The following MCTP1 variants were observed in gnomAD, a reference collection of about 807,000 sequenced individuals.
The protein encoded by MCTP1 is multiple C2 and transmembrane domain containing 1.
In MCTP1, 69 loss-of-function variants were observed where a neutral mutation model predicts 120.6. The ratio of observed to expected loss-of-function variants is 0.57; its 90% confidence interval spans 0.47 to 0.70. The LOEUF (loss-of-function observed/expected upper bound fraction) is 0.70. Ranked by LOEUF, MCTP1 falls within the 30% of genes least tolerant of loss-of-function variation. MCTP1 has a pLI of 0.00. For synonymous variants in MCTP1, 529 were observed against 493.1 expected (o/e 1.07, Z -0.96); for missense variants, 1,203 against 1,248.8 (o/e 0.96, Z 0.55).
chr5:94,987,803 T>C (rs917709244), intron 2 of MCTP1, among the ~76,000 whole-genome samples: 2 of 152,196 alleles, frequency 1.3e-5, no homozygotes, highest in African/African-American at 4.8e-5. Context: ...GTAAAATGCA[T>C]GATTTGATGA....
At chr5:94,735,835 C>A (rs919811242) in intron 19 of MCTP1, among the ~76,000 whole-genome samples, 1 of 152,076 alleles carries the variant, frequency 6.6e-6, no homozygotes, top group Non-Finnish European at 1.5e-5. Flanking sequence ...TCTAACTCGA[C>A]AGTATGTTCA....
intron 3 of MCTP1, among the ~76,000 whole-genome samples, chr5:94,944,489 A>G (rs1234876715): frequency 6.6e-6 from 1 of 152,200 alleles, no homozygotes; most frequent in Non-Finnish European, 1.5e-5. Flanking sequence ...ATCTAATCAT[A>G]TCATCCTTAG....
intron 19 of MCTP1, among the ~76,000 whole-genome samples, chr5:94,758,123 T>C (rs1770391315): frequency 6.6e-6 from 1 of 152,110 alleles, no homozygotes; most frequent in Non-Finnish European, 1.5e-5. Flanking sequence ...AAAAGAAAAC[T>C]CACTACACTC....
At chr5:94,736,300 G>A (rs148424849) in intron 19 of MCTP1, among the ~76,000 whole-genome samples, 1 of 152,212 alleles carries the variant, frequency 6.6e-6, no homozygotes, top group Non-Finnish European at 1.5e-5. Flanking sequence ...ACCAGCCTGG[G>A]CAACATAGTG....
At chr5:94,742,522 G>A (rs919647107) in intron 19 of MCTP1, among the ~76,000 whole-genome samples, 17 of 152,198 alleles carry the variant, frequency 1.1e-4, no homozygotes, top group Non-Finnish European at 4.4e-5. Flanking sequence ...AAACCCACAA[G>A]TGCTCCCTGG....
intron 19 of MCTP1, among the ~76,000 whole-genome samples, chr5:94,738,859 C>T (rs908941246): frequency 1.4e-4 from 21 of 152,192 alleles, no homozygotes; most frequent in Admixed American, 2.6e-4. Context: ...CTAAATACTT[C>T]GGTTGTGTCC....
chr5:95,160,842 T>A (rs1454924028), intron 1 of MCTP1, among the ~76,000 whole-genome samples: 1 of 152,052 alleles, frequency 6.6e-6, no homozygotes, highest in Non-Finnish European at 1.5e-5. Flanking sequence ...CCAACAGTTA[T>A]ATGAAAAAAA....
intron 4 of MCTP1, among the ~76,000 whole-genome samples, chr5:94,941,347 A>G (rs1267655948): frequency 1.3e-5 from 2 of 152,022 alleles, no homozygotes; most frequent in African/African-American, 4.8e-5. Flanking sequence ...GGCTGGAATG[A>G]AGGACTTACA....
At chr5:95,097,213 A>T (rs1485191494) in intron 1 of MCTP1, among the ~76,000 whole-genome samples, 2 of 152,244 alleles carry the variant, frequency 1.3e-5, no homozygotes, top group African/African-American at 4.8e-5. Flanking sequence ...AAGCCTATAA[A>T]CAAATAAATA....
chr5:95,098,556 C>A (rs1053209990), intron 1 of MCTP1, among the ~76,000 whole-genome samples: 6 of 151,578 alleles, frequency 4.0e-5, no homozygotes, highest in South Asian at 2.1e-4. Context: ...TAGGAATCCA[C>A]CTTACAAGGG....
intron 1 of MCTP1, among the ~76,000 whole-genome samples, chr5:95,146,022 C>T (rs184700682): frequency 4.9e-4 from 74 of 151,774 alleles, no homozygotes; most frequent in African/African-American, 1.7e-3. Context: ...TGGTCCATGG[C>T]TTTTTTCTTT....
intron 1 of MCTP1, among the ~76,000 whole-genome samples, chr5:95,088,450 G>A (rs1755599929): frequency 6.6e-6 from 1 of 152,232 alleles, no homozygotes; most frequent in South Asian, 2.1e-4. Flanking sequence ...CCATGGAGCA[G>A]CACTCTGCTC....
intron 2 of MCTP1, among the ~76,000 whole-genome samples, chr5:95,004,102 C>T (rs1223251607): frequency 1.3e-5 from 2 of 152,144 alleles, no homozygotes; most frequent in Admixed American, 6.6e-5. Flanking sequence ...TCTTGCTGTG[C>T]TTTACCAAAG....
rs540105061 is a variant in MCTP1 at position 94,825,567 on chromosome 5, A to G, written c.2437-26435T>C. Among the ~76,000 whole-genome samples the G allele has an allele frequency of 4.6e-5, 7 of 152,312 alleles. No homozygotes were observed. In the South Asian group the frequency reaches 1.0e-3, roughly 23 times the overall value. ...GGTGTCTATTAGGTCCACTTGGTCC[A>G]GAGCTGAGTTCAAGTCCTGAACATC... is the stretch of plus-strand genomic sequence containing the variant. On this transcript the variant is annotated intron_variant, in intron 17 of 22. Transcript: ENST00000515393.
chr5:95,010,962 T>G (rs1835813768), intron 2 of MCTP1, among the ~76,000 whole-genome samples: 1 of 152,148 alleles, frequency 6.6e-6, no homozygotes, highest in South Asian at 2.1e-4. Flanking sequence ...TGTTTTCTCA[T>G]GATTACATTG....
At chr5:94,784,234 GTAT>G (rs1777153464) in intron 18 of MCTP1, among the ~76,000 whole-genome samples, 1 of 152,008 alleles carries the variant, frequency 6.6e-6, no homozygotes, top group African/African-American at 2.4e-5. Flanking sequence ...GGGGAGGGTA[GTAT>G]TCTTCAACAC....
rs989375279 is a variant in MCTP1 at position 95,107,410 on chromosome 5, G to A, written c.721-89926C>T. On this transcript the variant is annotated intron_variant, in intron 1 of 22. Transcript: ENST00000515393. ...AGTCAAAAAAGAGACATTTCCCAAAGATGTCATATTAGTATTATTCACCAT... is the reference window on the plus strand; with the variant it reads ...AGTCAAAAAAGAGACATTTCCCAAAAATGTCATATTAGTATTATTCACCAT... Among the ~76,000 whole-genome samples the A allele has an allele frequency of 3.9e-5, 6 of 152,254 alleles. No individual in the cohort carries two copies. The East Asian group carries it at 9.6e-4, about 24-fold the overall frequency.
intron 1 of MCTP1, among the ~76,000 whole-genome samples, chr5:95,167,236 G>A (rs1193903280): frequency 5.3e-5 from 8 of 152,112 alleles, no homozygotes; most frequent in African/African-American, 7.2e-5. Flanking sequence ...AAGGACGTGA[G>A]CTCATCATTT....
intron 19 of MCTP1, among the ~76,000 whole-genome samples, chr5:94,746,161 C>A (rs1311733839): frequency 2.6e-5 from 4 of 152,178 alleles, no homozygotes; most frequent in African/African-American, 9.7e-5. Flanking sequence ...AGGATTTAGG[C>A]AGAATCTTTG....
Sources: allele counts gnomAD v4.1 joint callset (sites outside exome capture counted in the v4.1 genomes callset), GRCh38; gene constraint gnomAD v4.1.1; transcripts MANE v1.5; gene names NCBI Gene and HGNC (gene_info 2026-07-23, HGNC 2026-07-21).